The following CACNG7 variants were observed in gnomAD, a reference collection of about 807,000 sequenced individuals.
The protein encoded by CACNG7 is calcium voltage-gated channel auxiliary subunit gamma 7.
CACNG7 carries 9 observed loss-of-function variants against 26.3 expected under a neutral mutation model. The ratio of observed to expected loss-of-function variants is 0.34; its 90% confidence interval spans 0.21 to 0.60. The LOEUF (loss-of-function observed/expected upper bound fraction) is 0.60. Among genes scored for constraint, CACNG7 ranks in the 20% least tolerant of loss-of-function variants. The pLI is 0.81. For missense variants in CACNG7, 297 were observed against 380.4 expected (o/e 0.78, Z 1.82); for synonymous variants, 170 against 157.0 (o/e 1.08, Z -0.62).
At chr19:53,923,126 T>C (rs1253848944) in intron 4 of CACNG7, among the ~76,000 whole-genome samples, 8 of 94,528 alleles carry the variant, frequency 8.5e-5, no homozygotes, top group Admixed American at 2.0e-4. Context: ...TTGCCCCAGG[T>C]CTGGTCATTG....
chr19:53,922,282 G>GT lies in CACNG7; in HGVS notation c.424+6777_424+6778insT, dbSNP rs1386265145. ...CCCAGGTCTGGTCATTGGTGCAGTT[G>GT]CCCCAGGTCTGGTATTGGTGGAGTT... is the stretch of plus-strand genomic sequence containing the variant. On this transcript the variant is annotated intron_variant, in intron 4 of 5. Transcript: ENST00000391767. 6.9e-5 allele frequency among the ~76,000 whole-genome samples: 5 copies of GT among 72,520 alleles called. 1 individual carries two copies. The highest frequency in any genetic ancestry group is 1.3e-4 in the African/African-American group (2 of 15,102). 47.6% of individuals were successfully genotyped at this position (72,520 alleles called of 152,430 possible). A position where few individuals can be genotyped will look rare whatever the true frequency, so the allele number is the denominator to read the frequency against.
intron 4 of CACNG7, among the ~76,000 whole-genome samples, chr19:53,923,232 GT>G (rs1170958330): frequency 5.1e-5 from 3 of 58,270 alleles, no homozygotes; most frequent in East Asian, 4.3e-4. Flanking sequence ...GTTGCCCCAG[GT>G]CTGGTCATTG....
In CACNG7 at chr19:53,928,438, A is replaced by AT. The variant is rs1442352736; in HGVS notation, c.424+12942dup. ...AAACGTGCACCACCATGCCTGGCTA[A>AT]TTTTTTTTTGTATTTTTGTAGAGAC... On this transcript the variant is annotated intron_variant, in intron 4 of 5. Coordinates refer to ENST00000391767, the MANE Select transcript of CACNG7 (RefSeq NM_031896.5). 4.0e-5 allele frequency among the ~76,000 whole-genome samples: 6 copies of AT among 151,050 alleles called. No homozygotes were observed. The South Asian group carries it at 6.3e-4, about 16-fold the overall frequency.
intron 4 of CACNG7, among the ~76,000 whole-genome samples, chr19:53,938,661 T>C (rs2069119820): frequency 1.3e-5 from 2 of 151,962 alleles, no homozygotes; most frequent in Admixed American, 1.3e-4. Context: ...AAAGTTGAGA[T>C]ATAAAGCCAG....
chr19:53,927,958 G>C (rs2069044207), intron 4 of CACNG7, among the ~76,000 whole-genome samples: 1 of 151,994 alleles, frequency 6.6e-6, no homozygotes, highest in African/African-American at 2.4e-5. Context: ...TATTCAGCTT[G>C]GAATGTAGGT....
chr19:53,924,740 GT>G (rs1284792339), intron 4 of CACNG7, among the ~76,000 whole-genome samples: 1 of 150,602 alleles, frequency 6.6e-6, no homozygotes, highest in Non-Finnish European at 1.5e-5. Context: ...GTTGCCCCAG[GT>G]CTGGTCATTG....
chr19:53,913,076 G>T (rs773567206), intron 2 of CACNG7, 49 bp downstream of exon 2: 1 of 1,526,968 alleles, frequency 6.5e-7, no homozygotes, highest in South Asian at 1.2e-5. Flanking sequence ...CTTGCCTGGG[G>T]TCTGAGAGTC....
intron 4 of CACNG7, among the ~76,000 whole-genome samples, chr19:53,921,366 C>CCCCAGGCTGGTCATTGGTGGAGTCGT (rs2068949411): frequency 7.3e-6 from 1 of 136,906 alleles, no homozygotes; most frequent in Non-Finnish European, 1.5e-5. Context: ...GTGGAGTCGT[C>CCCCAGGCTGGTCATTGGTGGAGTCGT]CCCAGGTCTG....
intron 4 of CACNG7, among the ~76,000 whole-genome samples, chr19:53,924,386 A>C (rs1195117465): frequency 1.8e-4 from 23 of 125,700 alleles, no homozygotes; most frequent in Non-Finnish European, 3.5e-4. Flanking sequence ...TCATTGGTGG[A>C]GTTGTCCCCA....
chr19:53,920,079 AGTTG>A, intron 4 of CACNG7, among the ~76,000 whole-genome samples: 3 of 101,900 alleles, frequency 2.9e-5, no homozygotes, highest in Admixed American at 1.0e-4. Flanking sequence ...TCATTGGTGG[AGTTG>A]CCCCAGGCTG....
At chr19:53,936,145 A>G (rs1056687832) in intron 4 of CACNG7, among the ~76,000 whole-genome samples, 2 of 150,710 alleles carry the variant, frequency 1.3e-5, no homozygotes, top group African/African-American at 2.4e-5. Flanking sequence ...ACGTTTTTGA[A>G]GAGTGCAGCC....
At position 53,940,691 on chromosome 19, in the gene CACNG7, A is replaced by G. The variant is rs373122778; in HGVS notation, c.425-779A>G. ...ACAGCTACATGGGTGGACCAGCTCT[A>G]TTTTCCCTCCTTCCGAAACCTTTGC... On this transcript the variant is annotated intron_variant, in intron 4 of 5. Coordinates refer to ENST00000391767, the MANE Select transcript of CACNG7 (RefSeq NM_031896.5). The surrounding 1 kb of genome is among the most constrained non-coding windows in gnomAD (Gnocchi z 4.1). 9.9e-5 allele frequency among the ~76,000 whole-genome samples: 15 copies of G among 151,912 alleles called. No individual in the cohort carries two copies. The East Asian group carries it at 2.5e-3, about 25-fold the overall frequency.
rs541435332 is a variant in CACNG7, at chr19:53,931,906, C to T, written c.425-9564C>T. Reference sequence around the variant, plus strand: ...CCTCCCGAGTAGCTGGGACTACAGGCGGCCACCACCACGCCCGGCTAATTT... The same window carrying T: ...CCTCCCGAGTAGCTGGGACTACAGGTGGCCACCACCACGCCCGGCTAATTT... On this transcript the variant is annotated intron_variant, in intron 4 of 5. Transcript: ENST00000391767. 2.5e-3 allele frequency among the ~76,000 whole-genome samples: 371 copies of T among 150,518 alleles called. 1 individual carries two copies. The highest frequency in any genetic ancestry group is 8.6e-3 in the African/African-American group (352 of 41,118).
intron 5 of CACNG7, 133 bp from the exon 6 acceptor site, chr19:53,941,903 G>T: frequency 8.1e-7 from 1 of 1,235,090 alleles, no homozygotes; most frequent in African/African-American, 1.5e-5. Flanking sequence ...GAGGGCTGGA[G>T]CCCTGATCCT....
Position 53,939,206 on chromosome 19 carries a change from C to T in CACNG7, c.425-2264C>T, listed in dbSNP as rs867376763. 2.6e-5 allele frequency among the ~76,000 whole-genome samples: 4 copies of T among 151,976 alleles called. No homozygotes were observed. Among genetic ancestry groups the T allele is most frequent in the Admixed American group, 2.6e-4 (4 of 15,234 alleles). ...CCAGGAGGCAGAGGTTGCGGTGAGCCGAGATTGCACCACTACACTCCAGCC... is the reference window on the plus strand; with the variant it reads ...CCAGGAGGCAGAGGTTGCGGTGAGCTGAGATTGCACCACTACACTCCAGCC... On this transcript the variant is annotated intron_variant, in intron 4 of 5. Coordinates refer to ENST00000391767, the MANE Select transcript of CACNG7 (RefSeq NM_031896.5). The surrounding 1 kb of genome is among the most constrained non-coding windows in gnomAD (Gnocchi z 4.2).
chr19:53,928,709 G>A (rs1393002751), intron 4 of CACNG7, among the ~76,000 whole-genome samples: 2 of 152,212 alleles, frequency 1.3e-5, no homozygotes, highest in Admixed American at 6.5e-5. Flanking sequence ...TGTTTCTCCT[G>A]TGGACAATGA....
At chr19:53,923,689 GCCTGGTCATTGGTGGAGTTGTCCCAGGT>G (rs2068989305) in intron 4 of CACNG7, among the ~76,000 whole-genome samples, 12 of 133,446 alleles carry the variant, frequency 9.0e-5, no homozygotes, top group Admixed American at 1.4e-4. Flanking sequence ...GTTGTCCCAG[GCCTGGTCATTGGTGGAGTTGTCCCAGGT>G]CTGGTCATTG....
At chr19:53,915,025 A>C (rs2068886614) in intron 3 of CACNG7, among the ~76,000 whole-genome samples, 1 of 146,146 alleles carries the variant, frequency 6.8e-6, no homozygotes, top group Non-Finnish European at 1.5e-5. Flanking sequence ...AATAAATAAA[A>C]GGAAGGAAGA....
At chr19:53,924,579 CCCCAGGCTGGTCATTGGTGGAGTTG>C (rs1290995108) in intron 4 of CACNG7, among the ~76,000 whole-genome samples, 2 of 146,186 alleles carry the variant, frequency 1.4e-5, no homozygotes, top group Admixed American at 6.8e-5. Flanking sequence ...GGTGGAGTTG[CCCCAGGCTGGTCATTGGTGGAGTTG>C]CCCAGGCTGG....
Sources: gnomAD v4.1 joint callset for allele counts (sites outside exome capture counted in the v4.1 genomes callset) on GRCh38, gnomAD v4.1.1 for gene constraint, Gnocchi (gnomAD v3.1) non-coding constraint, MANE v1.5 for transcripts, NCBI Gene and HGNC (gene_info 2026-07-23, HGNC 2026-07-21) for gene names.